Variants in SLC4A3 observed in about 807,000 individuals in gnomAD.
SLC4A3 encodes anion exchange protein 3.
Under a neutral mutation model 114.2 loss-of-function variants are expected in SLC4A3, and 47 were observed. The observed-to-expected ratio is 0.41, with a 90% CI of 0.33 to 0.52. SLC4A3 has a LOEUF of 0.52. Among genes scored for constraint, SLC4A3 ranks in the 20% least tolerant of loss-of-function variants. The probability of loss-of-function intolerance (pLI) is 0.21; values close to 1 mark genes in which losing one functional copy is unlikely to be tolerated. For missense variants in SLC4A3, 1,312 were observed against 1,668.3 expected (o/e 0.79, Z 3.72); for synonymous variants, 693 against 710.3 (o/e 0.98, Z 0.39).
In SLC4A3 at chr2:219,628,735, C is replaced by A; in HGVS notation, c.217+165C>A. On this transcript the variant is annotated intron_variant, in intron 3 of 22. Transcript: ENST00000358055. This position sits in a 1 kb window ranked among gnomAD's most constrained non-coding sequence, Gnocchi z 4.8. ...TGCCGTGTTCAGTCATCCTGCCTCC[C>A]CCACCCATCGCCTGTCCGCCTGCCT... is the stretch of plus-strand genomic sequence containing the variant. The A allele has an allele frequency of 1.3e-6, 1 of 763,016 alleles. No homozygotes were observed. Among genetic ancestry groups the A allele is most frequent in the Non-Finnish European group, 2.1e-6 (1 of 482,856 alleles). The allele number at this position is 763,016 out of a possible 1,614,324, so 47.3% of individuals were successfully genotyped here.
In SLC4A3 at chr2:219,640,046, C is replaced by T. The variant is rs891165659; in HGVS notation, c.3277+311C>T. On this transcript the variant is annotated intron_variant, in intron 20 of 22. Coordinates refer to ENST00000358055, the MANE Select transcript of SLC4A3 (RefSeq NM_005070.4). ...CCAGGTTCACCCATTCTCCTGCCTC[C>T]GCCTCCCGAGTAGCTGGGACTACAG... Among the ~76,000 whole-genome samples, 5 of 152,192 alleles carry T rather than the reference C, an allele frequency of 3.3e-5. No homozygotes were observed. The East Asian group carries it at 5.8e-4, about 18-fold the overall frequency.
At chr2:219,635,999 G>A (rs1003927424) in intron 14 of SLC4A3, 108 bp downstream of exon 14, 1 of 892,184 alleles carries the variant, frequency 1.1e-6, no homozygotes, top group Non-Finnish European at 1.7e-6. Flanking sequence ...GGGGCCAATG[G>A]TTAGATGTGC....
At position 219,640,605 on chromosome 2, in the gene SLC4A3, G is replaced by T. The variant is rs371074955; in HGVS notation, c.3447+6G>T. Reference sequence around the variant, plus strand: ...AGCAGCCCTATGTGACCAAGGTAGGGCCGGGAAGCATGGGGGTAGGGCAGT... The same window carrying T: ...AGCAGCCCTATGTGACCAAGGTAGGTCCGGGAAGCATGGGGGTAGGGCAGT... On this transcript the variant is annotated splice_donor_region_variant and intron_variant, in intron 21 of 22. Coordinates refer to ENST00000358055, the MANE Select transcript of SLC4A3 (RefSeq NM_005070.4). 4.6e-5 allele frequency: 75 copies of T among 1,613,418 alleles called. No individual in the cohort carries two copies. Among genetic ancestry groups the T allele is most frequent in the Non-Finnish European group, 6.2e-5 (73 of 1,179,554 alleles).
Position 219,640,481 on chromosome 2 carries a change from T to C in SLC4A3, c.3329T>C (p.Leu1110Pro). The change falls in exon 21 of 23, where the codon CTC becomes CCC. Residue 1110 changes from leucine (L) to proline (P), a missense_variant. Around this residue, in one of 4 missense-constraint regions of SLC4A3, gnomAD observed 301 missense variants for 460.7 expected, o/e 0.65. Transcript: ENST00000358055. ...CTGCGTCGGATCCCATTGGCTGTGC[T>C]CTTTGGGATCTTCCTGTACATGGGG... The part of the protein sequence containing the change: ...AVLRRIPLAV[L>P]FGIFLYMGVT... The C allele has an allele frequency of 6.2e-7, 1 of 1,614,058 alleles. No homozygotes were observed. Among genetic ancestry groups the C allele is most frequent in the East Asian group, 2.2e-5 (1 of 44,876 alleles).
At position 219,631,562 on chromosome 2, in the gene SLC4A3, CG is replaced by C. The variant is rs1315161323; in HGVS notation, c.812-402del. ...CTGAGTCTACTGGGCTGTGTACCTT[CG>C]GGGAGGGGACGTGGGTGTTGAGATA... On this transcript the variant is annotated intron_variant, in intron 6 of 22. Coordinates refer to ENST00000358055, the MANE Select transcript of SLC4A3 (RefSeq NM_005070.4). This position sits in a 1 kb window ranked among gnomAD's most constrained non-coding sequence, Gnocchi z 6.3. 9.4e-7 allele frequency: 1 copy of C among 1,066,248 alleles called. No homozygotes were observed. The highest frequency in any genetic ancestry group is 3.1e-5 in the Admixed American group (1 of 32,220). The allele number at this position is 1,066,248 out of a possible 1,614,324, so 66.0% of individuals were successfully genotyped here.
chr2:219,640,602 A>G lies in SLC4A3; in HGVS notation c.3447+3A>G, dbSNP rs903551773. On this transcript the variant is annotated splice_donor_region_variant and intron_variant, in intron 21 of 22. Coordinates refer to ENST00000358055, the MANE Select transcript of SLC4A3 (RefSeq NM_005070.4). Reference sequence around the variant, plus strand: ...CTGAGCAGCCCTATGTGACCAAGGTAGGGCCGGGAAGCATGGGGGTAGGGC... The same window carrying G: ...CTGAGCAGCCCTATGTGACCAAGGTGGGGCCGGGAAGCATGGGGGTAGGGC... 6.2e-7 allele frequency: 1 copy of G among 1,613,484 alleles called. No homozygotes were observed. Among genetic ancestry groups the G allele is most frequent in the African/African-American group, 1.3e-5 (1 of 75,042 alleles).
chr2:219,639,454 C>T lies in SLC4A3; in HGVS notation c.3024-28C>T, dbSNP rs781338054. 1.2e-6 allele frequency: 2 copies of T among 1,604,334 alleles called. No individual in the cohort carries two copies. Among genetic ancestry groups the T allele is most frequent in the Admixed American group, 1.7e-5 (1 of 59,874 alleles). ...TCCCCTGCCCCTGCCAGGCCAGCCA[C>T]ACCCCGCTCCCCACCTTCTCCCTGC... On this transcript the variant is annotated intron_variant, in intron 19 of 22. Transcript: ENST00000358055. This position sits in a 1 kb window ranked among gnomAD's most constrained non-coding sequence, Gnocchi z 5.9.
At position 219,632,057 on chromosome 2, in the gene SLC4A3, C is replaced by G. The variant is rs975769723; in HGVS notation, c.901C>G (p.Leu301Val). 9 of 1,613,848 alleles carry G rather than the reference C, an allele frequency of 5.6e-6. No homozygotes were observed. The highest frequency in any genetic ancestry group is 7.6e-6 in the Non-Finnish European group (9 of 1,179,986). The change falls in exon 7 of 23, where the codon CTG becomes GTG. Residue 301 changes from leucine (L) to valine (V), a missense_variant. Around this residue, in one of 4 missense-constraint regions of SLC4A3, gnomAD observed 771 missense variants for 977.7 expected, o/e 0.79. Coordinates refer to ENST00000358055, the MANE Select transcript of SLC4A3 (RefSeq NM_005070.4). ...GGGCGGGAGGGGCAGTCCCAGCGGC[C>G]TGGCCCCCATCCTTCGCAGGAAGAA... The part of the protein sequence containing the change: ...TQGGRGSPSG[L>V]APILRRKKKK...
rs1699147130 is a variant in SLC4A3 at position 219,637,191 on chromosome 2, G to A, written c.2535+317G>A. Among the ~76,000 whole-genome samples the A allele has an allele frequency of 7.1e-6, 1 of 140,648 alleles. No individual in the cohort carries two copies. Among genetic ancestry groups the A allele is most frequent in the African/African-American group, 2.5e-5 (1 of 39,408 alleles). 92.3% of individuals were successfully genotyped at this position (140,648 alleles called of 152,430 possible). A position where few individuals can be genotyped will look rare whatever the true frequency, so the allele number is the denominator to read the frequency against. ...GTGTCCTTGGGTCACCTTTTGTAGAGGAGTGTGTGTGTGTGTGTGGGTGTG... is the reference window on the plus strand; with the variant it reads ...GTGTCCTTGGGTCACCTTTTGTAGAAGAGTGTGTGTGTGTGTGTGGGTGTG... On this transcript the variant is annotated intron_variant, in intron 16 of 22. Transcript: ENST00000358055. This position sits in a 1 kb window ranked among gnomAD's most constrained non-coding sequence, Gnocchi z 4.6.
At chr2:219,633,739 C>G in intron 10 of SLC4A3, 141 bp from the exon 11 acceptor site, 1 of 1,333,430 alleles carries the variant, frequency 7.5e-7, no homozygotes, top group Admixed American at 2.7e-5. Context: ...CTGGTGGCTC[C>G]CAGTGTGGGG....
Position 219,629,388 on chromosome 2 carries a change from G to A in SLC4A3, c.462G>A (p.Glu154=). The change falls in exon 4 of 23, where the codon GAG becomes GAA. Residue 154 remains glutamate (E), a synonymous_variant. Transcript: ENST00000358055. The stretch of plus-strand genomic sequence containing the variant: ...GAGAATCTGAGGCAGAACCTGTGGA[G>A]CCCCCCCACTCAGGGACCCCACAGA... ...EEGESEAEPV[E]PPHSGTPQKA... is the part of the protein sequence containing the mutation. 1 of 1,523,972 alleles carries A rather than the reference G, an allele frequency of 6.6e-7. No homozygotes were observed. The highest frequency in any genetic ancestry group is 9.0e-7 in the Non-Finnish European group (1 of 1,115,220). 94.4% of individuals were successfully genotyped at this position (1,523,972 alleles called of 1,614,324 possible).
chr2:219,629,568 C>T lies in SLC4A3; in HGVS notation c.496-12C>T, dbSNP rs376591613. On this transcript the variant is annotated splice_polypyrimidine_tract_variant and intron_variant, in intron 4 of 22. Coordinates refer to ENST00000358055, the MANE Select transcript of SLC4A3 (RefSeq NM_005070.4). ...TCGGGGCAAGGCCCCAGGGCACATTCTATGTCTGCAGTTCTCCATTGGAAG... is the reference window on the plus strand; with the variant it reads ...TCGGGGCAAGGCCCCAGGGCACATTTTATGTCTGCAGTTCTCCATTGGAAG... 1.5e-5 allele frequency: 24 copies of T among 1,605,686 alleles called. No individual in the cohort carries two copies. Among genetic ancestry groups the T allele is most frequent in the Non-Finnish European group, 2.0e-5 (23 of 1,173,020 alleles).
intron 3 of SLC4A3, 89 bp from the exon 4 acceptor site, chr2:219,629,055 C>A: frequency 6.9e-7 from 1 of 1,440,784 alleles, no homozygotes; most frequent in Non-Finnish European, 9.1e-7. Flanking sequence ...CCCTTGTTTG[C>A]GGCCTTGAGC....
At position 219,641,844 on chromosome 2, in the gene SLC4A3, A is replaced by G. The variant is rs752900769; in HGVS notation, c.*116A>G. On this transcript the variant is annotated 3_prime_UTR_variant, in exon 23 of 23. Coordinates refer to ENST00000358055, the MANE Select transcript of SLC4A3 (RefSeq NM_005070.4). This position sits in a 1 kb window ranked among gnomAD's most constrained non-coding sequence, Gnocchi z 4.0. Reference sequence around the variant, plus strand: ...CTCAGGACCCAGAGATGTGCCTGGAACCACTCCTGATGCCATGGCTAGAGT... The same window carrying G: ...CTCAGGACCCAGAGATGTGCCTGGAGCCACTCCTGATGCCATGGCTAGAGT... 130 of 796,554 alleles carry G rather than the reference A, an allele frequency of 1.6e-4. No homozygotes were observed. Among genetic ancestry groups the G allele is most frequent in the Non-Finnish European group, 2.6e-4 (124 of 477,394 alleles). The allele number at this position is 796,554 out of a possible 1,614,324, so 49.3% of individuals were successfully genotyped here.
chr2:219,634,698 G>A (rs1699057724), intron 12 of SLC4A3, 94 bp downstream of exon 12: 3 of 1,347,070 alleles, frequency 2.2e-6, no homozygotes, highest in African/African-American at 1.5e-5. Flanking sequence ...AGGCAAGGGT[G>A]CTAGAGGCCC....
Position 219,640,866 on chromosome 2 carries a change from G to A in SLC4A3, c.3525G>A (p.Thr1175=), listed in dbSNP as rs758735182. The A allele has an allele frequency of 5.7e-5, 92 of 1,612,336 alleles. No homozygotes were observed. Among genetic ancestry groups the A allele is most frequent in the Middle Eastern group, 1.7e-4 (1 of 5,934 alleles). ...CACTGCTCTGGGTGGTCAAGTCCACGGCGGCCTCACTCGCCTTTCCCTTCC... is the reference window on the plus strand; with the variant it reads ...CACTGCTCTGGGTGGTCAAGTCCACAGCGGCCTCACTCGCCTTTCCCTTCC... ...CIALLWVVKS[T]AASLAFPFLL... Residue 1175 remains threonine (T), a synonymous_variant, in exon 22 of 23, where the codon ACG becomes ACA. Transcript: ENST00000358055.
In SLC4A3 at chr2:219,632,960, C is replaced by T. The variant is rs115885893; in HGVS notation, c.1228C>T (p.Arg410Trp). ...VETMIVSDQI[R>W]PEDRASVLRT... ...GACCATGATTGTGTCTGACCAGATCCGGCCGGAGGACAGGGCCAGCGTCCT... is the reference window on the plus strand; with the variant it reads ...GACCATGATTGTGTCTGACCAGATCTGGCCGGAGGACAGGGCCAGCGTCCT... Residue 410 changes from arginine to tryptophan, a missense_variant, in exon 9 of 23, where the codon CGG (arginine) becomes TGG (tryptophan). Physicochemically the swap from Arg to Trp is moderately radical, Grantham distance 101 (BLOSUM62 -3). Transcript: ENST00000358055. 6.2e-6 allele frequency: 10 copies of T among 1,614,042 alleles called. No homozygotes were observed. Among genetic ancestry groups the T allele is most frequent in the African/African-American group, 2.7e-5 (2 of 75,018 alleles).
intron 13 of SLC4A3, 79 bp downstream of exon 13, chr2:219,635,575 C>T: frequency 6.7e-7 from 1 of 1,482,520 alleles, no homozygotes; most frequent in Non-Finnish European, 9.2e-7. Flanking sequence ...CCAGCCCCGT[C>T]CTGACTCCTG....
chr2:219,632,056 C>T lies in SLC4A3; in HGVS notation c.900C>T (p.Gly300=), dbSNP rs562757131. ...AGGGCGGGAGGGGCAGTCCCAGCGG[C>T]CTGGCCCCCATCCTTCGCAGGAAGA... ...RTQGGRGSPS[G]LAPILRRKKK... Residue 300 remains glycine, a synonymous_variant, in exon 7 of 23, where the codon GGC becomes GGT. Coordinates refer to ENST00000358055, the MANE Select transcript of SLC4A3 (RefSeq NM_005070.4). 4.3e-6 allele frequency: 7 copies of T among 1,613,938 alleles called. 1 individual carries two copies. The African/African-American group carries it at 8.0e-5, about 18-fold the overall frequency.
Sources: gnomAD v4.1 joint callset for allele counts (sites outside exome capture counted in the v4.1 genomes callset) on GRCh38, gnomAD v4.1.1 for gene constraint, gnomAD v4.1.1 regional missense constraint, Gnocchi (gnomAD v3.1) non-coding constraint, MANE v1.5 for transcripts, NCBI Gene and HGNC (gene_info 2026-07-23, HGNC 2026-07-21) for gene names.